The following FBXO32 variants were observed in gnomAD, a reference collection of about 807,000 sequenced individuals.
FBXO32 encodes F-box protein 32, also known as F-box only protein 32.
In FBXO32, 15 loss-of-function variants were observed where a neutral mutation model predicts 48.3. The observed-to-expected ratio is 0.31, with a 90% confidence interval of 0.21 to 0.48. The LOEUF is 0.48. Ranked by LOEUF, FBXO32 falls within the 20% of genes least tolerant of loss-of-function variation. The probability of loss-of-function intolerance (pLI) is 0.99; values close to 1 mark genes in which losing one functional copy is unlikely to be tolerated. For synonymous variants in FBXO32, 154 were observed against 165.9 expected (o/e 0.93, Z 0.55); for missense variants, 309 against 432.7 (o/e 0.71, Z 2.54).
At position 123,503,009 on chromosome 8, in the gene FBXO32, A is replaced by AT. The variant is rs1286605227; in HGVS notation, c.*363dup. ...TTGTAAACAAAGCGTCCTATTTTGT[A>AT]TTTGAGTTTTGCCTTTTTCTTCCTA... On this transcript the variant is annotated 3_prime_UTR_variant, in exon 9 of 9. Transcript: ENST00000517956. 6.3e-6 allele frequency: 1 copy of AT among 158,560 alleles called. No homozygotes were observed. Among genetic ancestry groups the AT allele is most frequent in the Non-Finnish European group, 1.4e-5 (1 of 72,212 alleles). The allele number at this position is 158,560 out of a possible 1,614,324, so 9.8% of individuals were successfully genotyped here.
At chr8:123,524,044 A>G (rs1254261372) in intron 4 of FBXO32, among the ~76,000 whole-genome samples, 1 of 152,244 alleles carries the variant, frequency 6.6e-6, no homozygotes, top group Non-Finnish European at 1.5e-5. Flanking sequence ...ATTTATGAAT[A>G]TGCATAAATT....
chr8:123,538,278 G>GA (rs1817347793), intron 1 of FBXO32, among the ~76,000 whole-genome samples: 1 of 151,918 alleles, frequency 6.6e-6, no homozygotes, highest in African/African-American at 2.4e-5. Context: ...TGGTCAACAC[G>GA]AAACAATAAC....
chr8:123,515,014 T>A (rs564758738), intron 4 of FBXO32, among the ~76,000 whole-genome samples: 1 of 152,354 alleles, frequency 6.6e-6, no homozygotes, highest in East Asian at 1.9e-4. Flanking sequence ...TGAACATGTA[T>A]TAGCTCCGTG....
Position 123,506,623 on chromosome 8 carries a change from T to G in FBXO32, c.652-49A>C, listed in dbSNP as rs1816629125. 3 of 1,495,042 alleles carry G rather than the reference T, an allele frequency of 2.0e-6. No individual in the cohort carries two copies. Among genetic ancestry groups the G allele is most frequent in the Non-Finnish European group, 2.7e-6 (3 of 1,098,010 alleles). 92.6% of individuals were successfully genotyped at this position (1,495,042 alleles called of 1,614,324 possible). On this transcript the variant is annotated intron_variant, in intron 6 of 8. Coordinates refer to ENST00000517956, the MANE Select transcript of FBXO32 (RefSeq NM_058229.4). This position sits in a 1 kb window ranked among gnomAD's most constrained non-coding sequence, Gnocchi z 4.0. ...GGTGGGGGGGCCAGAGAGCAGCGAT[T>G]CACCAGGCCACACCCTCCAGGCATG...
chr8:123,524,839 G>A (rs551169376), intron 4 of FBXO32, among the ~76,000 whole-genome samples: 1 of 152,196 alleles, frequency 6.6e-6, no homozygotes, highest in Non-Finnish European at 1.5e-5. Context: ...TTTCAAATGG[G>A]CCCGTGGCTC....
In FBXO32 at chr8:123,500,936, G is replaced by A. The variant is rs961728633; in HGVS notation, c.*2437C>T. ...TAATTAGACCGTAACCCTTCTCTTG[G>A]GGCAGAGGTCATCTTGCACAGATGC... is the stretch of plus-strand genomic sequence containing the variant. On this transcript the variant is annotated 3_prime_UTR_variant, in exon 9 of 9. Transcript: ENST00000517956. 2 of 152,178 alleles carry A rather than the reference G, an allele frequency of 1.3e-5. No homozygotes were observed. The highest frequency in any genetic ancestry group is 4.1e-4 in the South Asian group (2 of 4,834). The allele number at this position is 152,178 out of a possible 1,614,324, so 9.4% of individuals were successfully genotyped here.
intron 4 of FBXO32, among the ~76,000 whole-genome samples, chr8:123,518,762 C>T (rs1816889381): frequency 6.6e-6 from 1 of 152,194 alleles, no homozygotes. Context: ...TAAAGCCATA[C>T]CAGCAGTAGC....
chr8:123,507,958 G>A (rs75678220), intron 6 of FBXO32, among the ~76,000 whole-genome samples: 1,701 of 152,254 alleles, frequency 0.011, 34 homozygotes, highest in African/African-American at 0.039. Flanking sequence ...CTGGGAATCC[G>A]CATATGTATT....
intron 4 of FBXO32, among the ~76,000 whole-genome samples, chr8:123,529,707 C>T (rs566591190): frequency 2.8e-4 from 42 of 152,242 alleles, no homozygotes; most frequent in Admixed American, 1.2e-3. Context: ...TTTTATCTTA[C>T]TGTACTGCCA....
rs142414834 is a variant in FBXO32 at position 123,501,363 on chromosome 8, CA to C, written c.*2009del. On this transcript the variant is annotated 3_prime_UTR_variant, in exon 9 of 9. Coordinates refer to ENST00000517956, the MANE Select transcript of FBXO32 (RefSeq NM_058229.4). ...AATTGGTTCAGGGGGAGAGGGATTG[CA>C]AAAAAAAAACAAAAAAAAACAAAAC... 4.9e-5 allele frequency: 4 copies of C among 81,194 alleles called. No individual in the cohort carries two copies. The highest frequency in any genetic ancestry group is 3.0e-5 in the Non-Finnish European group (1 of 32,988). 5.0% of individuals were successfully genotyped at this position (81,194 alleles called of 1,614,324 possible).
chr8:123,506,758 A>G lies in FBXO32; in HGVS notation c.652-184T>C, dbSNP rs773766495. The stretch of plus-strand genomic sequence containing the variant: ...CAGGAGACCATGGCCATGACCCTCA[A>G]TGAAGTGTGGAGTGCGCTGAGCTGA... On this transcript the variant is annotated intron_variant, in intron 6 of 8. Coordinates refer to ENST00000517956, the MANE Select transcript of FBXO32 (RefSeq NM_058229.4). The surrounding 1 kb of genome is among the most constrained non-coding windows in gnomAD (Gnocchi z 4.0). 3 of 599,960 alleles carry G rather than the reference A, an allele frequency of 5.0e-6. No individual in the cohort carries two copies. Among genetic ancestry groups the G allele is most frequent in the Admixed American group, 3.2e-5 (1 of 31,478 alleles). The allele number at this position is 599,960 out of a possible 1,614,324, so 37.2% of individuals were successfully genotyped here. A position where few individuals can be genotyped will look rare whatever the true frequency, so the allele number is the denominator to read the frequency against.
chr8:123,535,827 G>GTTTTTT (rs397717101), intron 1 of FBXO32, among the ~76,000 whole-genome samples: 1 of 146,754 alleles, frequency 6.8e-6, no homozygotes. Flanking sequence ...TAAATTAGGG[G>GTTTTTT]TTTTTTTTTT....
intron 5 of FBXO32, 120 bp downstream of exon 5, chr8:123,514,120 G>A: frequency 2.9e-6 from 2 of 680,612 alleles, no homozygotes; most frequent in Non-Finnish European, 4.9e-6. Flanking sequence ...TGTAGCTGGA[G>A]TTATTCATTT....
rs761537405 is a variant in FBXO32, at chr8:123,532,036, G to A, written c.280-46C>T. 19 of 1,609,972 alleles carry A rather than the reference G, an allele frequency of 1.2e-5. No homozygotes were observed. In the Admixed American group the frequency reaches 2.9e-4, roughly 24 times the overall value. On this transcript the variant is annotated intron_variant, in intron 3 of 8. Coordinates refer to ENST00000517956, the MANE Select transcript of FBXO32 (RefSeq NM_058229.4). ...ACAGAAGTTACTCCTGCCATGCAGAGGTCACCCAAGTAAGAATGAGCCAGT... is the reference window on the plus strand; with the variant it reads ...ACAGAAGTTACTCCTGCCATGCAGAAGTCACCCAAGTAAGAATGAGCCAGT...
chr8:123,530,202 C>T (rs1817170832), intron 4 of FBXO32, among the ~76,000 whole-genome samples: 1 of 152,166 alleles, frequency 6.6e-6, no homozygotes, highest in Non-Finnish European at 1.5e-5. Context: ...GCTCACAGCT[C>T]CTAACCTGCT....
chr8:123,504,855 A>C, intron 7 of FBXO32, 108 bp from the exon 8 acceptor site: 1 of 1,058,784 alleles, frequency 9.4e-7, no homozygotes, highest in Non-Finnish European at 1.4e-6. Flanking sequence ...CCCTCTTTTC[A>C]GCTCTACAAT....
In FBXO32 at chr8:123,506,648, G is replaced by T; in HGVS notation, c.652-74C>A. On this transcript the variant is annotated intron_variant, in intron 6 of 8. Coordinates refer to ENST00000517956, the MANE Select transcript of FBXO32 (RefSeq NM_058229.4). This position sits in a 1 kb window ranked among gnomAD's most constrained non-coding sequence, Gnocchi z 4.0. ...TCACCAGGCCACACCCTCCAGGCAT[G>T]CAGCTGTGCCCGTCCTCCACCCTCA... The T allele has an allele frequency of 1.5e-6, 2 of 1,333,880 alleles. No homozygotes were observed. The highest frequency in any genetic ancestry group is 1.4e-5 in the South Asian group (1 of 71,464). The allele number at this position is 1,333,880 out of a possible 1,614,324, so 82.6% of individuals were successfully genotyped here. A position where few individuals can be genotyped will look rare whatever the true frequency, so the allele number is the denominator to read the frequency against.
rs112966252 is a variant in FBXO32 at position 123,541,036 on chromosome 8, G to C, written c.-22C>G. ...GCATGGCACCGCGAGCGGACTAGAC[G>C]GATGGGGAGACGGGGCCGGCCTGGT... On this transcript the variant is annotated 5_prime_UTR_variant, in exon 1 of 9. Transcript: ENST00000517956. 1.0e-5 allele frequency: 16 copies of C among 1,536,676 alleles called. No individual in the cohort carries two copies. Among genetic ancestry groups the C allele is most frequent in the African/African-American group, 9.8e-5 (7 of 71,696 alleles).
chr8:123,510,505 G>A (rs555656036), intron 6 of FBXO32, among the ~76,000 whole-genome samples: 10 of 152,160 alleles, frequency 6.6e-5, no homozygotes, highest in South Asian at 2.1e-4. Context: ...CCTAGCTACC[G>A]GGGAGTCTAA....
Sources: gnomAD v4.1 joint callset for allele counts (sites outside exome capture counted in the v4.1 genomes callset) on GRCh38, gnomAD v4.1.1 for gene constraint, Gnocchi (gnomAD v3.1) non-coding constraint, MANE v1.5 for transcripts, NCBI Gene and HGNC (gene_info 2026-07-23, HGNC 2026-07-21) for gene names.